Variants in UBE2E2 observed in about 807,000 individuals in gnomAD.
UBE2E2 encodes the protein ubiquitin conjugating enzyme E2 E2.
Under a neutral mutation model 24.7 loss-of-function variants are expected in UBE2E2, and 6 were observed. That is an observed-to-expected ratio of 0.24 (90% CI 0.13 to 0.48). UBE2E2 has a LOEUF of 0.48. Among genes scored for constraint, UBE2E2 ranks in the 20% least tolerant of loss-of-function variants. UBE2E2 has a pLI of 0.99. For synonymous variants in UBE2E2, 104 were observed against 83.6 expected (o/e 1.24, Z -1.33); for missense variants, 169 against 245.0 (o/e 0.69, Z 2.07).
chr3:23,312,719 T>C (rs761332533), intron 3 of UBE2E2, among the ~76,000 whole-genome samples: 46 of 152,162 alleles, frequency 3.0e-4, no homozygotes, highest in Admixed American at 5.9e-4. Flanking sequence ...GGGTGGCTTA[T>C]TTGAGTTCTT....
intron 3 of UBE2E2, among the ~76,000 whole-genome samples, chr3:23,494,680 T>C (rs1240281389): frequency 6.6e-6 from 1 of 152,138 alleles, no homozygotes; most frequent in Non-Finnish European, 1.5e-5. Context: ...AGAGTCCAGG[T>C]TGCTAAAACC....
chr3:23,359,288 G>A (rs1696049053), intron 3 of UBE2E2, among the ~76,000 whole-genome samples: 1 of 152,154 alleles, frequency 6.6e-6, no homozygotes, highest in Admixed American at 6.5e-5. Context: ...TCTCCTTTGA[G>A]AAATATGGTT....
intron 3 of UBE2E2, among the ~76,000 whole-genome samples, chr3:23,228,289 T>G (rs1378816163): frequency 6.6e-6 from 1 of 152,188 alleles, no homozygotes; most frequent in Non-Finnish European, 1.5e-5. Flanking sequence ...TAAAATAATG[T>G]GTCTGAAAAA....
At chr3:23,257,525 C>T (rs868836833) in intron 3 of UBE2E2, among the ~76,000 whole-genome samples, 1 of 30,176 alleles carries the variant, frequency 3.3e-5, no homozygotes, top group Non-Finnish European at 6.6e-5. Flanking sequence ...CCCCCCCCCC[C>T]CCCACTTTTT....
chr3:23,443,811 C>T (rs975720882), intron 3 of UBE2E2, among the ~76,000 whole-genome samples: 18 of 152,156 alleles, frequency 1.2e-4, no homozygotes, highest in Admixed American at 1.0e-3. Context: ...CTACATTATA[C>T]GTAGCTTCCA....
chr3:23,475,194 G>A (rs942635452), intron 3 of UBE2E2, among the ~76,000 whole-genome samples: 1 of 151,632 alleles, frequency 6.6e-6, no homozygotes, highest in African/African-American at 2.4e-5. Flanking sequence ...GTGTTTCTCA[G>A]AACTCCCTCC....
intron 4 of UBE2E2, among the ~76,000 whole-genome samples, chr3:23,513,805 C>A (rs1244711588): frequency 6.6e-6 from 1 of 151,992 alleles, no homozygotes; most frequent in Non-Finnish European, 1.5e-5. Context: ...AAAATAATAC[C>A]TTTTCATGTG....
chr3:23,204,465 G>A (rs141176052), intron 1 of UBE2E2, among the ~76,000 whole-genome samples: 1 of 152,180 alleles, frequency 6.6e-6, no homozygotes, highest in African/African-American at 2.4e-5. Flanking sequence ...GTATCTCGCG[G>A]TTCTAAAGGA....
intron 3 of UBE2E2, among the ~76,000 whole-genome samples, chr3:23,287,621 T>C (rs1221847489): frequency 6.6e-6 from 1 of 152,180 alleles, no homozygotes; most frequent in East Asian, 1.9e-4. Flanking sequence ...CTGTTCAGGT[T>C]TTGGATTTCT....
At chr3:23,291,354 A>G (rs1391058108) in intron 3 of UBE2E2, among the ~76,000 whole-genome samples, 1 of 152,196 alleles carries the variant, frequency 6.6e-6, no homozygotes, top group Non-Finnish European at 1.5e-5. Flanking sequence ...AAACTATTGT[A>G]GTGATAACAA....
At chr3:23,538,646 T>G (rs1206840566) in intron 5 of UBE2E2, among the ~76,000 whole-genome samples, 1 of 152,118 alleles carries the variant, frequency 6.6e-6, no homozygotes, top group Non-Finnish European at 1.5e-5. Flanking sequence ...ATTCATAATG[T>G]TGAGGTTCTA....
chr3:23,406,793 A>G (rs931246559), intron 3 of UBE2E2, among the ~76,000 whole-genome samples: 3 of 152,224 alleles, frequency 2.0e-5, no homozygotes, highest in Admixed American at 2.0e-4. Context: ...AGAGGCATGC[A>G]TATCCAGCCG....
intron 5 of UBE2E2, among the ~76,000 whole-genome samples, chr3:23,580,446 A>AT (rs1201378668): frequency 1.3e-5 from 2 of 152,154 alleles, no homozygotes; most frequent in African/African-American, 4.8e-5. Flanking sequence ...GATTGTTAGC[A>AT]TTTTTTTAGC....
intron 3 of UBE2E2, among the ~76,000 whole-genome samples, chr3:23,340,278 T>G (rs904099698): frequency 1.3e-5 from 2 of 152,200 alleles, no homozygotes; most frequent in Non-Finnish European, 2.9e-5. Context: ...TTTTAACATT[T>G]ATTTACATTA....
intron 5 of UBE2E2, among the ~76,000 whole-genome samples, chr3:23,535,040 TTCTTTAGGGTATGACTACCCA>T (rs1384480721): frequency 1.3e-5 from 2 of 152,224 alleles, no homozygotes; most frequent in African/African-American, 4.8e-5. Context: ...AACACAGATG[TTCTTTAGGGTATGACTACCCA>T]TCCTTATCAG....
intron 3 of UBE2E2, among the ~76,000 whole-genome samples, chr3:23,442,373 G>A (rs1698328104): frequency 6.7e-6 from 1 of 149,452 alleles, no homozygotes; most frequent in Non-Finnish European, 1.5e-5. Context: ...AAAAGGACTT[G>A]TCTGGCTTCT....
rs182398162 is a variant in UBE2E2 at position 23,220,375 on chromosome 3, T to C, written c.227+3063T>C. On this transcript the variant is annotated intron_variant, in intron 3 of 5. Transcript: ENST00000396703. ...AGTTGGGTTAAATATGTCATCCTTT[T>C]TAAAAACATTACTCACAGTTTAATG... Among the ~76,000 whole-genome samples the C allele has an allele frequency of 5.3e-5, 8 of 152,334 alleles. No homozygotes were observed. The East Asian group carries it at 1.5e-3, about 29-fold the overall frequency.
At chr3:23,217,193 G>T in intron 2 of UBE2E2, 69 bp from the exon 3 acceptor site, 1 of 1,344,790 alleles carries the variant, frequency 7.4e-7, no homozygotes, top group Non-Finnish European at 1.1e-6. Context: ...AAAATGTAAC[G>T]TTTTAATGAA....
chr3:23,396,081 T>G (rs1455830338), intron 3 of UBE2E2, among the ~76,000 whole-genome samples: 5 of 151,970 alleles, frequency 3.3e-5, no homozygotes, highest in Non-Finnish European at 5.9e-5. Context: ...TTGATTGTTG[T>G]GCTCTTTAAG....
Sources: allele counts gnomAD v4.1 joint callset (sites outside exome capture counted in the v4.1 genomes callset), GRCh38; gene constraint gnomAD v4.1.1; transcripts MANE v1.5; gene names NCBI Gene and HGNC (gene_info 2026-07-23, HGNC 2026-07-21).